Variants in RUVBL1 observed in about 807,000 individuals in gnomAD.
RUVBL1 encodes the protein ruvB-like 1.
Under a neutral mutation model 52.4 loss-of-function variants are expected in RUVBL1, and 4 were observed. That is an observed-to-expected ratio of 0.08 (90% CI 0.04 to 0.17). RUVBL1 has a LOEUF of 0.17. RUVBL1 is among the 10% of genes least tolerant of loss of function. The pLI is 1.00. For synonymous variants in RUVBL1, 217 were observed against 214.4 expected (o/e 1.01, Z -0.10); for missense variants, 298 against 572.8 (o/e 0.52, Z 4.90).
intron 1 of RUVBL1, among the ~76,000 whole-genome samples, chr3:128,132,734 T>C (rs1341738052): frequency 1.3e-5 from 2 of 152,276 alleles, no homozygotes; most frequent in East Asian, 1.9e-4. Flanking sequence ...TGAATAAACA[T>C]CAGTGGTAGC....
At chr3:128,116,865 T>A (rs1369365352) in intron 2 of RUVBL1, among the ~76,000 whole-genome samples, 1 of 152,214 alleles carries the variant, frequency 6.6e-6, no homozygotes, top group African/African-American at 2.4e-5. Flanking sequence ...TCCCTGGCTC[T>A]GCTGCTCATT....
intron 1 of RUVBL1, among the ~76,000 whole-genome samples, chr3:128,146,339 C>T (rs576067418): frequency 2.7e-5 from 4 of 149,434 alleles, no homozygotes; most frequent in South Asian, 2.1e-4. Context: ...TGCATGTGTG[C>T]GTGTGTCTCT....
chr3:128,084,348 C>T (rs1942573319), intron 9 of RUVBL1: 1 of 152,192 alleles, frequency 6.6e-6, no homozygotes, highest in African/African-American at 2.4e-5. Context: ...GGGAGGGACT[C>T]ACAACAGAAC....
chr3:128,069,832 C>A, intron 9 of RUVBL1: 1 of 662,228 alleles, frequency 1.5e-6, no homozygotes, highest in Non-Finnish European at 2.5e-6. Flanking sequence ...TAAAATTTTG[C>A]TTTTTATCCT....
intron 2 of RUVBL1, among the ~76,000 whole-genome samples, chr3:128,113,765 TTC>T (rs908790904): frequency 7.2e-5 from 11 of 152,226 alleles, no homozygotes; most frequent in African/African-American, 2.7e-4. Context: ...TCCAAAATTG[TTC>T]TCTCAATATC....
Position 128,147,794 on chromosome 3 carries a change from A to G in RUVBL1, c.-40+5409T>C, listed in dbSNP as rs575523615. Reference sequence around the variant, plus strand: ...ACTTATGTTGGCATAAAACCTATACATAAGTGTTTAGAGCAGCTTTATAAT... The same window carrying G: ...ACTTATGTTGGCATAAAACCTATACGTAAGTGTTTAGAGCAGCTTTATAAT... On this transcript the variant is annotated intron_variant, in intron 1 of 9. Coordinates refer to the RUVBL1 transcript ENST00000464873. Among the ~76,000 whole-genome samples, 20 of 152,332 alleles carry G rather than the reference A, an allele frequency of 1.3e-4. No individual in the cohort carries two copies. In the East Asian group the frequency reaches 3.9e-3, roughly 29 times the overall value.
At chr3:128,125,222 A>G (rs1943767356), upstream of RUVBL1, among the ~76,000 whole-genome samples, 1 of 151,724 alleles carries the variant, frequency 6.6e-6, no homozygotes, top group Admixed American at 6.6e-5. Flanking sequence ...TCACCGTGTT[A>G]GCCAGAATGG....
intron 9 of RUVBL1, among the ~76,000 whole-genome samples, chr3:128,068,258 C>T (rs941212806): frequency 6.6e-6 from 1 of 152,216 alleles, no homozygotes; most frequent in African/African-American, 2.4e-5. Flanking sequence ...CACTTACAGC[C>T]CCTTTCCTCC....
intron 3 of RUVBL1, among the ~76,000 whole-genome samples, chr3:128,108,285 C>T (rs1436433581): frequency 6.6e-6 from 1 of 152,142 alleles, no homozygotes; most frequent in Non-Finnish European, 1.5e-5. Context: ...AATGGCCTGC[C>T]TTTTTATTCT....
chr3:128,090,939 A>T (rs1942817847), intron 8 of RUVBL1, among the ~76,000 whole-genome samples: 1 of 152,256 alleles, frequency 6.6e-6, no homozygotes, highest in African/African-American at 2.4e-5. Flanking sequence ...AGAAAAGGTT[A>T]GAGAAAAATA....
At chr3:128,110,186 T>TGG (rs1943351583) in intron 3 of RUVBL1, among the ~76,000 whole-genome samples, 1 of 152,180 alleles carries the variant, frequency 6.6e-6, no homozygotes, top group Admixed American at 6.5e-5. Flanking sequence ...CTTGGGAGGC[T>TGG]GGGGCAGGAG....
intron 3 of RUVBL1, among the ~76,000 whole-genome samples, chr3:128,107,636 T>C (rs543951631): frequency 5.9e-5 from 9 of 152,346 alleles, no homozygotes; most frequent in African/African-American, 1.9e-4. Flanking sequence ...ACCTTCATTC[T>C]ATCTGATAGC....
At chr3:128,076,366 A>G (rs943461265), downstream of RUVBL1, among the ~76,000 whole-genome samples, 1 of 151,986 alleles carries the variant, frequency 6.6e-6, no homozygotes, top group Non-Finnish European at 1.5e-5. This position sits in a 1 kb window ranked among gnomAD's most constrained non-coding sequence, Gnocchi z 6.8. Flanking sequence ...TTGCGATGAC[A>G]GCTAAAGGAG....
chr3:128,149,310 G>A (rs1418041695), intron 1 of RUVBL1, among the ~76,000 whole-genome samples: 7 of 151,148 alleles, frequency 4.6e-5, no homozygotes, highest in Non-Finnish European at 8.8e-5. Flanking sequence ...TCAGCCTCCC[G>A]AGCAGTTGGG....
chr3:128,065,116 C>G, exon 10 of RUVBL1: 10 of 1,367,564 alleles, frequency 7.3e-6, no homozygotes, highest in Non-Finnish European at 1.0e-5. Flanking sequence ...GTCCCCCACT[C>G]TGTGGGGTGC....
downstream of RUVBL1, chr3:128,076,159 G>C (rs1331946837): frequency 6.6e-6 from 1 of 152,378 alleles, no homozygotes; most frequent in Non-Finnish European, 1.5e-5. This position sits in a 1 kb window ranked among gnomAD's most constrained non-coding sequence, Gnocchi z 6.8. Flanking sequence ...CGCTATTCTG[G>C]AGGGGCAGTG....
intron 9 of RUVBL1, chr3:128,070,330 G>C (rs1444664945): frequency 6.6e-6 from 1 of 152,174 alleles, no homozygotes; most frequent in African/African-American, 2.4e-5. Flanking sequence ...GACTCTTCTG[G>C]TTGGGCTTAG....
chr3:128,095,918 C>T (rs1576452927), intron 8 of RUVBL1, among the ~76,000 whole-genome samples: 5 of 152,136 alleles, frequency 3.3e-5, no homozygotes, highest in African/African-American at 9.7e-5. Context: ...CTGTGCCCAG[C>T]TTGGACAGTC....
chr3:128,110,929 T>C (rs918489336), intron 3 of RUVBL1, among the ~76,000 whole-genome samples: 1 of 151,958 alleles, frequency 6.6e-6, no homozygotes, highest in East Asian at 1.9e-4. Context: ...TAAAGACTTC[T>C]GGGATTACAG....
Sources: gnomAD v4.1 joint callset for allele counts (sites outside exome capture counted in the v4.1 genomes callset) on GRCh38, gnomAD v4.1.1 for gene constraint, Gnocchi (gnomAD v3.1) non-coding constraint, MANE v1.5 for transcripts, NCBI Gene and HGNC (gene_info 2026-07-23, HGNC 2026-07-21) for gene names.